Variants in CHLSN observed in about 807,000 individuals in gnomAD.
CHLSN encodes the protein cholesin.
the CHLSN span, among the ~76,000 whole-genome samples, chr7:1,090,001 T>G: frequency 6.6e-6 from 1 of 151,228 alleles, no homozygotes; most frequent in East Asian, 1.9e-4. Flanking sequence ...GGAGAACCAC[T>G]CTAACCCGGG....
chr7:1,112,370 C>T, the CHLSN span, among the ~76,000 whole-genome samples: 2 of 152,238 alleles, frequency 1.3e-5, no homozygotes, highest in African/African-American at 4.8e-5. Flanking sequence ...GCTAACAGCT[C>T]ACCTGCCCTG....
the CHLSN span, among the ~76,000 whole-genome samples, chr7:1,047,984 G>A: frequency 6.6e-6 from 1 of 152,150 alleles, no homozygotes; most frequent in East Asian, 1.9e-4. Flanking sequence ...TCCCCTGCCT[G>A]CAAAGAGCTC....
the CHLSN span, among the ~76,000 whole-genome samples, chr7:1,055,727 C>T: frequency 1.3e-5 from 2 of 152,142 alleles, no homozygotes; most frequent in Non-Finnish European, 2.9e-5. Flanking sequence ...CGGGTGTGCC[C>T]TCCTGTCAGT....
At chr7:1,114,359 A>C in the CHLSN span, among the ~76,000 whole-genome samples, 1 of 152,238 alleles carries the variant, frequency 6.6e-6, no homozygotes, top group African/African-American at 2.4e-5. Context: ...GCAGGTCCTA[A>C]GCTGCAGGTT....
chr7:1,060,632 G>T, the CHLSN span, among the ~76,000 whole-genome samples: 1 of 152,244 alleles, frequency 6.6e-6, no homozygotes, highest in Non-Finnish European at 1.5e-5. Flanking sequence ...GCCTCGTGAG[G>T]ACGCGGCTCT....
chr7:989,005 A>C, the CHLSN span: 4 of 520,958 alleles, frequency 7.7e-6, no homozygotes, highest in South Asian at 3.0e-5. Flanking sequence ...CCCCTGCCCG[A>C]CCCTGTGGGA....
At chr7:991,539 G>A in the CHLSN span, among the ~76,000 whole-genome samples, 42 of 152,286 alleles carry the variant, frequency 2.8e-4, no homozygotes, top group African/African-American at 9.4e-4. Context: ...CTTCTCGACC[G>A]GGCAGACCTG....
At chr7:1,015,010 C>T in the CHLSN span, among the ~76,000 whole-genome samples, 1 of 152,238 alleles carries the variant, frequency 6.6e-6, no homozygotes, top group Non-Finnish European at 1.5e-5. Flanking sequence ...CCAGCAGGTC[C>T]TGTGTGGGGG....
At chr7:1,017,239 T>C in the CHLSN span, among the ~76,000 whole-genome samples, 1 of 151,368 alleles carries the variant, frequency 6.6e-6, no homozygotes, top group Non-Finnish European at 1.5e-5. Flanking sequence ...AAGGACCCAC[T>C]GTCTCTCAGA....
At chr7:1,137,215 C>T in the CHLSN span, 1 of 152,816 alleles carries the variant, frequency 6.5e-6, no homozygotes, top group African/African-American at 2.4e-5. Flanking sequence ...TCCCCTGCAC[C>T]TGCTGTTTCC....
At chr7:1,016,707 GCCAGCGCACAGCAGCA>G in the CHLSN span, among the ~76,000 whole-genome samples, 33 of 45,216 alleles carry the variant, frequency 7.3e-4, no homozygotes, top group African/African-American at 2.7e-3. Context: ...GCCAGCACAC[GCCAGCGCACAGCAGCA>G]CACAGCAGCA....
the CHLSN span, among the ~76,000 whole-genome samples, chr7:1,127,699 A>G: frequency 0.14 from 4,044 of 29,172 alleles, 508 homozygotes; most frequent in African/African-American, 0.21. Flanking sequence ...GTGCAGTGGC[A>G]CAATCTCGGC....
At chr7:987,194 G>A in the CHLSN span, 4 of 1,552,924 alleles carry the variant, frequency 2.6e-6, no homozygotes, top group East Asian at 2.4e-5. Context: ...GACGACCTCG[G>A]CCACGCTGCA....
At chr7:994,321 C>T in the CHLSN span, among the ~76,000 whole-genome samples, 1 of 152,046 alleles carries the variant, frequency 6.6e-6, no homozygotes, top group South Asian at 2.1e-4. Flanking sequence ...CCACCACACC[C>T]AGCTAATTTT....
At chr7:1,023,294 C>T in the CHLSN span, among the ~76,000 whole-genome samples, 1,137 of 152,254 alleles carry the variant, frequency 7.5e-3, 5 homozygotes, top group African/African-American at 0.016. The surrounding 1 kb of genome is among the most constrained non-coding windows in gnomAD (Gnocchi z 5.0). Flanking sequence ...GCACGGGGAG[C>T]GCCCACACCC....
chr7:1,127,432 T>C, the CHLSN span: 8 of 1,548,262 alleles, frequency 5.2e-6, no homozygotes, highest in Non-Finnish European at 7.0e-6. Context: ...AATGAAAGGC[T>C]TAACTCATGT....
At chr7:987,955 T>TGGGGGGGGTCCCCTGTGTGTCCTG in the CHLSN span, among the ~76,000 whole-genome samples, 5 of 94,898 alleles carry the variant, frequency 5.3e-5, no homozygotes, top group African/African-American at 4.0e-4. Flanking sequence ...CTGTGTGTCC[T>TGGGGGGGGTCCCCTGTGTGTCCTG]GGGGGTCCCC....
At chr7:992,195 C>T in the CHLSN span, among the ~76,000 whole-genome samples, 2,256 of 152,232 alleles carry the variant, frequency 0.015, 127 homozygotes, top group East Asian at 0.21. Context: ...TGTACCCCCC[C>T]GCCTCTAGGT....
chr7:1,002,212 T>C, the CHLSN span, among the ~76,000 whole-genome samples: 1 of 37,454 alleles, frequency 2.7e-5, no homozygotes, highest in Non-Finnish European at 4.6e-5. Context: ...TGTGGGTGAG[T>C]GGAGTCCTGC....
Sources: gnomAD v4.1 joint callset for allele counts (sites outside exome capture counted in the v4.1 genomes callset) on GRCh38, gnomAD v4.1.1 for gene constraint, Gnocchi (gnomAD v3.1) non-coding constraint, MANE v1.5 for transcripts, NCBI Gene and HGNC (gene_info 2026-07-23, HGNC 2026-07-21) for gene names.